The following PRKN variants were observed in gnomAD, a reference collection of about 807,000 sequenced individuals.
PRKN encodes the protein parkin RBR E3 ubiquitin protein ligase, also known as E3 ubiquitin-protein ligase parkin.
A neutral mutation model predicts 59.5 loss-of-function variants in PRKN; 56 were observed. The observed-to-expected ratio is 0.94, with a 90% CI of 0.76 to 1.18. PRKN has a LOEUF of 1.18. Ranked by LOEUF, PRKN falls within the 50% of genes most tolerant of loss-of-function variation. The probability of loss-of-function intolerance (pLI) is 0.00; values close to 1 mark genes in which losing one functional copy is unlikely to be tolerated. For missense variants in PRKN, 657 were observed against 596.4 expected (o/e 1.10, Z -1.06); for synonymous variants, 250 against 222.1 (o/e 1.13, Z -1.12).
chr6:162,621,462 C>A (rs959947837), intron 1 of PRKN, among the ~76,000 whole-genome samples: 1 of 152,140 alleles, frequency 6.6e-6, no homozygotes, highest in Non-Finnish European at 1.5e-5. Flanking sequence ...CTAATCCCAG[C>A]CAATCTTCCA....
intron 4 of PRKN, among the ~76,000 whole-genome samples, chr6:162,132,609 G>C (rs1332114952): frequency 6.6e-6 from 1 of 152,128 alleles, no homozygotes; most frequent in Non-Finnish European, 1.5e-5. Context: ...GCACAGAAGA[G>C]ACCAGTATGA....
At position 161,369,770 on chromosome 6, in the gene PRKN, ATATACT is replaced by A. The variant is rs1269146585; in HGVS notation, c.1168-9571_1168-9566del. Among the ~76,000 whole-genome samples, 14 of 151,894 alleles carry A rather than the reference ATATACT, an allele frequency of 9.2e-5. No individual in the cohort carries two copies. Among genetic ancestry groups the A allele is most frequent in the Non-Finnish European group, 1.3e-4 (9 of 67,968 alleles). On this transcript the variant is annotated intron_variant, in intron 10 of 11. Transcript: ENST00000366898. The surrounding 1 kb of genome is among the most constrained non-coding windows in gnomAD (Gnocchi z 5.8). Reference sequence around the variant, plus strand: ...TAAATATATATATGAAACATCTATAATATACTTATATATAGATGTTTCATATATATA... The same window carrying A: ...TAAATATATATATGAAACATCTATAATATATATAGATGTTTCATATATATA...
rs896458057 is a variant in PRKN at position 161,584,521 on chromosome 6, A to G, written c.872-15105T>C. ...TATGGCTGGCCTGTTATTAGAAGAA[A>G]ATCTTTTAACATATCCCCCTTACAC... On this transcript the variant is annotated intron_variant, in intron 7 of 11. Transcript: ENST00000366898. The surrounding 1 kb of genome is among the most constrained non-coding windows in gnomAD (Gnocchi z 4.8). Among the ~76,000 whole-genome samples, 3 of 152,254 alleles carry G rather than the reference A, an allele frequency of 2.0e-5. No individual in the cohort carries two copies. The highest frequency in any genetic ancestry group is 7.2e-5 in the African/African-American group (3 of 41,466).
chr6:162,111,691 T>C (rs1169857792), intron 4 of PRKN, among the ~76,000 whole-genome samples: 1 of 149,794 alleles, frequency 6.7e-6, no homozygotes, highest in Non-Finnish European at 1.5e-5. Context: ...TCAAGTTTTC[T>C]ACAGTCTCAC....
rs193115008 is a variant in PRKN, at chr6:162,038,060, C to G, written c.618+16031G>C. 4.4e-3 allele frequency among the ~76,000 whole-genome samples: 659 copies of G among 150,090 alleles called. 2 individuals carry two copies. The highest frequency in any genetic ancestry group is 0.016 in the African/African-American group (634 of 40,790). On this transcript the variant is annotated intron_variant, in intron 5 of 11. Coordinates refer to ENST00000366898, the MANE Select transcript of PRKN (RefSeq NM_004562.3). The stretch of plus-strand genomic sequence containing the variant: ...CAGTTCTGAAAAAAAAAATAGAAAC[C>G]AATAATAAAACTTTTCCTAAGCCAT...
intron 7 of PRKN, among the ~76,000 whole-genome samples, chr6:161,756,067 C>G (rs531976686): frequency 1.3e-5 from 2 of 151,916 alleles, no homozygotes; most frequent in South Asian, 4.2e-4. Context: ...CGATTAAAGG[C>G]AAAGCAGCAA....
At chr6:161,596,962 T>C (rs1301924283) in intron 7 of PRKN, among the ~76,000 whole-genome samples, 1 of 152,186 alleles carries the variant, frequency 6.6e-6, no homozygotes, top group African/African-American at 2.4e-5. Flanking sequence ...GTACAGTGAC[T>C]GTATTAGGAG....
intron 1 of PRKN, among the ~76,000 whole-genome samples, chr6:162,691,883 T>C (rs1177175910): frequency 1.3e-5 from 2 of 152,090 alleles, no homozygotes; most frequent in Non-Finnish European, 2.9e-5. Flanking sequence ...GTCACGCAAA[T>C]ACGTTGGGCT....
At position 162,253,278 on chromosome 6, in the gene PRKN, C is replaced by CT. The variant is rs1191163207; in HGVS notation, c.412+9246_412+9247insA. ...CAGGCATGCTGGTGACAACAGGCAA[C>CT]AAATCTAATCTAATCTAATCTAATC... On this transcript the variant is annotated intron_variant, in intron 3 of 11. Transcript: ENST00000366898. Among the ~76,000 whole-genome samples, 237 of 147,692 alleles carry CT rather than the reference C, an allele frequency of 1.6e-3. 1 individual carries two copies. Among genetic ancestry groups the CT allele is most frequent in the African/African-American group, 5.6e-3 (220 of 39,352 alleles).
chr6:162,560,857 A>AAAAAAAACAAAAC (rs1554244674), intron 1 of PRKN, among the ~76,000 whole-genome samples: 3 of 150,242 alleles, frequency 2.0e-5, no homozygotes, highest in Non-Finnish European at 4.4e-5. Flanking sequence ...GAGAGGCAAA[A>AAAAAAAACAAAAC]AAAAAAAAAA....
chr6:162,273,238 G>C (rs1293709084), intron 2 of PRKN, among the ~76,000 whole-genome samples: 1 of 152,026 alleles, frequency 6.6e-6, no homozygotes, highest in Non-Finnish European at 1.5e-5. Flanking sequence ...TGAGGGAGTA[G>C]GGAAATGGGT....
chr6:161,673,258 G>A (rs1439402289), intron 7 of PRKN, among the ~76,000 whole-genome samples: 1 of 152,172 alleles, frequency 6.6e-6, no homozygotes, highest in Non-Finnish European at 1.5e-5. Flanking sequence ...AGTCCCATGG[G>A]GATAAGTGTG....
chr6:161,694,941 A>G (rs1785954619), intron 7 of PRKN, among the ~76,000 whole-genome samples: 1 of 151,996 alleles, frequency 6.6e-6, no homozygotes, highest in Admixed American at 6.6e-5. Context: ...GCATTCACTA[A>G]ACTCAGATGC....
At chr6:161,738,870 C>A (rs1394402412) in intron 7 of PRKN, among the ~76,000 whole-genome samples, 5 of 152,166 alleles carry the variant, frequency 3.3e-5, no homozygotes, top group Non-Finnish European at 5.9e-5. Context: ...GAGGCCTACA[C>A]AGGCATCTAC....
intron 4 of PRKN, among the ~76,000 whole-genome samples, chr6:162,170,790 C>T (rs945524847): frequency 6.6e-6 from 1 of 152,094 alleles, no homozygotes; most frequent in Non-Finnish European, 1.5e-5. Flanking sequence ...GGAAGGACCA[C>T]AAATGGTACA....
chr6:161,358,788 CTTTTTTTTTTTTT>C (rs34428983), intron 11 of PRKN, among the ~76,000 whole-genome samples: 1 of 67,820 alleles, frequency 1.5e-5, no homozygotes, highest in Non-Finnish European at 2.6e-5. Context: ...GCCTTCTGCT[CTTTTTTTTTTTTT>C]TTTTTTTTTT....
chr6:161,579,108 G>C lies in PRKN; in HGVS notation c.872-9692C>G, dbSNP rs1781243163. Reference sequence around the variant, plus strand: ...TTTCTTTCTCCTGCTGCTCTCAAAAGTTTGTCCTTGGTTGACATCAGAGAA... The same window carrying C: ...TTTCTTTCTCCTGCTGCTCTCAAAACTTTGTCCTTGGTTGACATCAGAGAA... On this transcript the variant is annotated intron_variant, in intron 7 of 11. Coordinates refer to ENST00000366898, the MANE Select transcript of PRKN (RefSeq NM_004562.3). This position sits in a 1 kb window ranked among gnomAD's most constrained non-coding sequence, Gnocchi z 4.2. Among the ~76,000 whole-genome samples, 1 of 152,202 alleles carries C rather than the reference G, an allele frequency of 6.6e-6. No individual in the cohort carries two copies. Among genetic ancestry groups the C allele is most frequent in the African/African-American group, 2.4e-5 (1 of 41,458 alleles).
intron 6 of PRKN, among the ~76,000 whole-genome samples, chr6:161,809,062 A>G (rs1791454387): frequency 6.6e-6 from 1 of 152,142 alleles, no homozygotes; most frequent in African/African-American, 2.4e-5. Flanking sequence ...GCTGATCTCA[A>G]ACTCCTGGGC....
Position 161,462,114 on chromosome 6 carries a change from G to A in PRKN, c.1084-75237C>T, listed in dbSNP as rs1407793667. 3.3e-5 allele frequency among the ~76,000 whole-genome samples: 5 copies of A among 151,854 alleles called. No homozygotes were observed. Among genetic ancestry groups the A allele is most frequent in the Admixed American group, 6.6e-5 (1 of 15,234 alleles). On this transcript the variant is annotated intron_variant, in intron 9 of 11. Coordinates refer to ENST00000366898, the MANE Select transcript of PRKN (RefSeq NM_004562.3). This position sits in a 1 kb window ranked among gnomAD's most constrained non-coding sequence, Gnocchi z 4.5. Reference sequence around the variant, plus strand: ...CCAAATGCCGCCACCTGCAATGAGCGGGGACTCACTACGGTAGGGACCTAC... The same window carrying A: ...CCAAATGCCGCCACCTGCAATGAGCAGGGACTCACTACGGTAGGGACCTAC...
Sources: allele counts gnomAD v4.1 joint callset (sites outside exome capture counted in the v4.1 genomes callset), GRCh38; gene constraint gnomAD v4.1.1; non-coding constraint Gnocchi (gnomAD v3.1); transcripts MANE v1.5; gene names NCBI Gene and HGNC (gene_info 2026-07-23, HGNC 2026-07-21).